The following CHODL variants were observed in gnomAD, a reference collection of about 807,000 sequenced individuals.
CHODL encodes the protein transmembrane protein MT75.
A neutral mutation model predicts 34.5 loss-of-function variants in CHODL; 29 were observed. That is an observed-to-expected ratio of 0.84 (90% CI 0.63 to 1.15). CHODL has a LOEUF of 1.15. CHODL is among the 50% of genes most tolerant of loss of function. The pLI, the probability that CHODL is intolerant of heterozygous loss-of-function variation, is 0.00. For synonymous variants in CHODL, 125 were observed against 116.1 expected (o/e 1.08, Z -0.49); for missense variants, 332 against 332.5 (o/e 1.00, Z 0.01).
intron 2 of CHODL, among the ~76,000 whole-genome samples, chr21:18,029,707 C>T (rs2591640): frequency 0.48 from 72,991 of 151,484 alleles, 18,053 homozygotes; most frequent in Non-Finnish European, 0.52. Flanking sequence ...AGGAGGTAGG[C>T]ATTCCTGTCT....
At chr21:18,234,371 C>T (rs67283174) in intron 2 of CHODL, among the ~76,000 whole-genome samples, 49,829 of 151,826 alleles carry the variant, frequency 0.33, 11,027 homozygotes, top group African/African-American at 0.64. Flanking sequence ...CCTCTACTGG[C>T]CGTGAAGCCT....
intron 1 of CHODL, among the ~76,000 whole-genome samples, chr21:17,962,834 C>T (rs535060645): frequency 3.2e-4 from 48 of 152,032 alleles, no homozygotes; most frequent in Non-Finnish European, 6.0e-4. Flanking sequence ...GAGGCTGAGG[C>T]GGGTGGATCA....
At chr21:17,984,870 G>A (rs1318452220) in intron 1 of CHODL, among the ~76,000 whole-genome samples, 1 of 152,056 alleles carries the variant, frequency 6.6e-6, no homozygotes, top group South Asian at 2.1e-4. Flanking sequence ...CTAATTTGAA[G>A]TACTTATATT....
chr21:18,201,849 G>A (rs1386629072), intron 2 of CHODL, among the ~76,000 whole-genome samples: 1 of 138,460 alleles, frequency 7.2e-6, no homozygotes. Context: ...CTGTCGCCCA[G>A]GCTGGAGTGC....
At chr21:18,076,422 T>C (rs573992590) in intron 2 of CHODL, among the ~76,000 whole-genome samples, 18 of 152,218 alleles carry the variant, frequency 1.2e-4, no homozygotes, top group Non-Finnish European at 2.4e-4. Context: ...TAAGATGAAA[T>C]TGGATATTTG....
At chr21:17,975,596 A>T (rs1224378856) in intron 1 of CHODL, among the ~76,000 whole-genome samples, 1 of 152,090 alleles carries the variant, frequency 6.6e-6, no homozygotes, top group African/African-American at 2.4e-5. Context: ...CAGTTCCTCA[A>T]ACCCACTCTT....
intron 2 of CHODL, among the ~76,000 whole-genome samples, chr21:18,188,093 T>G (rs1052435474): frequency 6.6e-6 from 1 of 151,754 alleles, no homozygotes; most frequent in Admixed American, 6.6e-5. Flanking sequence ...TTTAGCAGCC[T>G]TTATTAAAAT....
chr21:18,245,907 A>C, intron 1 of CHODL: 1 of 1,535,568 alleles, frequency 6.5e-7, no homozygotes, highest in Non-Finnish European at 8.7e-7. Flanking sequence ...GACTTCCCAG[A>C]AAATGAAGTC....
intron 2 of CHODL, among the ~76,000 whole-genome samples, chr21:18,198,920 A>G (rs1005447421): frequency 8.5e-5 from 13 of 152,144 alleles, no homozygotes; most frequent in African/African-American, 2.9e-4. Context: ...TTAAATATAC[A>G]ATATTATAAA....
At chr21:18,234,018 A>G (rs751340925) in intron 2 of CHODL, among the ~76,000 whole-genome samples, 5 of 152,192 alleles carry the variant, frequency 3.3e-5, no homozygotes, top group Non-Finnish European at 7.4e-5. Flanking sequence ...ACTTCTTAAA[A>G]TGCTGGAATA....
intron 1 of CHODL, among the ~76,000 whole-genome samples, chr21:18,014,237 T>A (rs1356172192): frequency 2.0e-5 from 3 of 152,050 alleles, no homozygotes; most frequent in Non-Finnish European, 4.4e-5. Context: ...TAGGTGCCCA[T>A]CAATGGTGGA....
intron 2 of CHODL, among the ~76,000 whole-genome samples, chr21:18,096,910 G>A (rs1415992461): frequency 6.6e-6 from 1 of 152,020 alleles, no homozygotes; most frequent in African/African-American, 2.4e-5. Flanking sequence ...GGCACCCTCG[G>A]AGGCCCAGCT....
At chr21:17,990,429 C>T (rs571659275) in intron 1 of CHODL, among the ~76,000 whole-genome samples, 16 of 152,004 alleles carry the variant, frequency 1.1e-4, no homozygotes, top group Non-Finnish European at 1.5e-4. Flanking sequence ...TTTTTTATAT[C>T]GTTCTTTCCT....
chr21:18,020,591 C>G (rs973153604), intron 1 of CHODL, among the ~76,000 whole-genome samples: 2 of 151,926 alleles, frequency 1.3e-5, no homozygotes, highest in African/African-American at 4.8e-5. Context: ...TTCTTTAAAC[C>G]CTTCAGTTCT....
intron 2 of CHODL, among the ~76,000 whole-genome samples, chr21:18,157,859 A>G (rs2073052184): frequency 6.6e-6 from 1 of 152,180 alleles, no homozygotes; most frequent in African/African-American, 2.4e-5. Context: ...GATTAATACA[A>G]TAATTATTAA....
intron 1 of CHODL, among the ~76,000 whole-genome samples, chr21:17,953,839 G>T (rs543675433): frequency 6.6e-6 from 1 of 152,094 alleles, no homozygotes; most frequent in East Asian, 1.9e-4. Flanking sequence ...GTGAAACCTT[G>T]TCTCTACTAA....
chr21:17,957,436 A>T (rs1373589320), intron 1 of CHODL, among the ~76,000 whole-genome samples: 2 of 152,056 alleles, frequency 1.3e-5, no homozygotes, highest in Non-Finnish European at 2.9e-5. Context: ...CTTCCTTTGT[A>T]TCTTCACCTC....
At chr21:17,962,691 A>T (rs181029937) in intron 1 of CHODL, among the ~76,000 whole-genome samples, 167 of 152,342 alleles carry the variant, frequency 1.1e-3, no homozygotes, top group African/African-American at 3.5e-3. Context: ...TCCCTACAAT[A>T]TAAAAGGCTT....
At position 18,256,591 on chromosome 21, in the gene CHODL, T is replaced by C; in HGVS notation, c.162T>C (p.Phe54=). 2 of 1,614,086 alleles carry C rather than the reference T, an allele frequency of 1.2e-6. No homozygotes were observed. The highest frequency in any genetic ancestry group is 1.7e-6 in the Non-Finnish European group (2 of 1,180,008). ...YFHELSSRVS[F]QEARLACESE... ...ATGAACTGTCCAGCCGAGTGAGCTTTCAGGAGGCACGCCTGGCTTGTGAGA... is the reference window on the plus strand; with the variant it reads ...ATGAACTGTCCAGCCGAGTGAGCTTCCAGGAGGCACGCCTGGCTTGTGAGA... Residue 54 remains phenylalanine (F), a synonymous_variant, in exon 2 of 6, where the codon TTT becomes TTC. Coordinates refer to ENST00000299295, the MANE Select transcript of CHODL (RefSeq NM_024944.3).
Sources: gnomAD v4.1 joint callset for allele counts (sites outside exome capture counted in the v4.1 genomes callset) on GRCh38, gnomAD v4.1.1 for gene constraint, MANE v1.5 for transcripts, NCBI Gene and HGNC (gene_info 2026-07-23, HGNC 2026-07-21) for gene names.